Variants in CDS1 observed in about 807,000 individuals in gnomAD.
CDS1 encodes CDP-diacylglycerol synthase 1, also known as phosphatidate cytidylyltransferase 1.
Under a neutral mutation model 62.1 loss-of-function variants are expected in CDS1, and 41 were observed. The ratio of observed to expected loss-of-function variants is 0.66; its 90% CI spans 0.51 to 0.86. The LOEUF (loss-of-function observed/expected upper bound fraction) is 0.86, where lower values mean the gene tolerates loss of function less well. CDS1 is among the 40% of genes least tolerant of loss of function. The pLI is 0.00. For synonymous variants in CDS1, 185 were observed against 192.6 expected, an observed-to-expected ratio of 0.96 and a Z score of 0.32; for missense variants, 470 against 550.1, an observed-to-expected ratio of 0.85 and a Z score of 1.46.
At chr4:84,639,629 C>CA (rs1043261120) in intron 9 of CDS1, among the ~76,000 whole-genome samples, 1 of 151,928 alleles carries the variant, frequency 6.6e-6, no homozygotes, top group Admixed American at 6.6e-5. Context: ...GATAAATGTA[C>CA]AAAAAAGTAC....
intron 1 of CDS1, among the ~76,000 whole-genome samples, chr4:84,592,198 C>G (rs1170052327): frequency 8.4e-6 from 1 of 119,196 alleles, no homozygotes; most frequent in Non-Finnish European, 1.6e-5. Flanking sequence ...GAGTCTCACT[C>G]TGTCACCCAG....
At chr4:84,648,500 C>T in intron 12 of CDS1, 57 bp from the exon 13 acceptor site, 1 of 1,532,878 alleles carries the variant, frequency 6.5e-7, no homozygotes, top group African/African-American at 1.4e-5. Flanking sequence ...GAGGTATGTG[C>T]TTCACTTATC....
chr4:84,645,017 A>G (rs1158978803), intron 11 of CDS1, among the ~76,000 whole-genome samples: 1 of 152,264 alleles, frequency 6.6e-6, no homozygotes, highest in East Asian at 1.9e-4. Context: ...GGGTCAATTC[A>G]GAAATCATTC....
At chr4:84,634,641 G>T (rs1277110244) in intron 7 of CDS1, among the ~76,000 whole-genome samples, 1 of 151,926 alleles carries the variant, frequency 6.6e-6, no homozygotes, top group Non-Finnish European at 1.5e-5. Context: ...TTTACCAAGG[G>T]TGTGGTTGTG....
chr4:84,595,106 T>A (rs911839884), intron 1 of CDS1, among the ~76,000 whole-genome samples: 1 of 152,122 alleles, frequency 6.6e-6, no homozygotes, highest in African/African-American at 2.4e-5. Context: ...TGGCAAGCTG[T>A]CATATCAAAG....
intron 1 of CDS1, among the ~76,000 whole-genome samples, chr4:84,596,902 T>TCACACTGTGGGGAGC (rs1189735594): frequency 1.3e-5 from 2 of 152,016 alleles, no homozygotes; most frequent in Non-Finnish European, 2.9e-5. Flanking sequence ...CTAAGACTCT[T>TCACACTGTGGGGAGC]CACACTGTGG....
intron 1 of CDS1, among the ~76,000 whole-genome samples, chr4:84,598,249 G>A (rs913415349): frequency 2.0e-5 from 3 of 151,930 alleles, no homozygotes; most frequent in Non-Finnish European, 2.9e-5. Flanking sequence ...TTTTTAAAAG[G>A]CTGCCTCCTT....
chr4:84,612,708 T>C (rs1723362274), intron 3 of CDS1, among the ~76,000 whole-genome samples: 1 of 152,148 alleles, frequency 6.6e-6, no homozygotes, highest in Non-Finnish European at 1.5e-5. Flanking sequence ...ATTAAAGATC[T>C]GGCCAGGTGC....
At chr4:84,607,593 C>T (rs1723169229) in intron 2 of CDS1, among the ~76,000 whole-genome samples, 1 of 151,160 alleles carries the variant, frequency 6.6e-6, no homozygotes, top group Non-Finnish European at 1.5e-5. Flanking sequence ...GCTAATATTT[C>T]TGTTCTAAGA....
chr4:84,628,762 T>C (rs1386241451), intron 5 of CDS1, among the ~76,000 whole-genome samples: 1 of 152,188 alleles, frequency 6.6e-6, no homozygotes, highest in East Asian at 1.9e-4. Context: ...CTTGAACTCA[T>C]GGCCTCAAGC....
At chr4:84,589,532 C>T (rs888733216) in intron 1 of CDS1, among the ~76,000 whole-genome samples, 8 of 152,208 alleles carry the variant, frequency 5.3e-5, no homozygotes, top group African/African-American at 1.9e-4. Context: ...TGGGCTGATA[C>T]TCCCTAATTG....
chr4:84,630,976 A>T (rs1395498727), intron 5 of CDS1, among the ~76,000 whole-genome samples: 1 of 152,206 alleles, frequency 6.6e-6, no homozygotes, highest in Non-Finnish European at 1.5e-5. Flanking sequence ...TTATTTTAGT[A>T]TATGATTACT....
chr4:84,613,773 TA>T (rs1311680349), intron 3 of CDS1, among the ~76,000 whole-genome samples: 6 of 152,206 alleles, frequency 3.9e-5, no homozygotes, highest in Non-Finnish European at 1.5e-5. Flanking sequence ...TGTTTTGATT[TA>T]AAGGCAGATG....
intron 1 of CDS1, among the ~76,000 whole-genome samples, chr4:84,593,209 C>T (rs1186075578): frequency 4.0e-5 from 6 of 151,870 alleles, no homozygotes; most frequent in Admixed American, 3.9e-4. Context: ...TGTAGTAGTC[C>T]CATTTATAAT....
Position 84,631,800 on chromosome 4 carries a change from G to A in CDS1, c.581-19G>A. ...GTACCAAATTGTACAACGAGCACAT[G>A]TTTTTTGTTCTTGAACAGGTTTCTG... is the stretch of plus-strand genomic sequence containing the variant. On this transcript the variant is annotated intron_variant, in intron 5 of 12. Transcript: ENST00000295887. 1 of 1,607,452 alleles carries A rather than the reference G, an allele frequency of 6.2e-7. No individual in the cohort carries two copies. Among genetic ancestry groups the A allele is most frequent in the Non-Finnish European group, 8.5e-7 (1 of 1,174,564 alleles).
chr4:84,619,296 T>A, intron 4 of CDS1, 98 bp from the exon 5 acceptor site: 1 of 576,054 alleles, frequency 1.7e-6, no homozygotes, highest in Non-Finnish European at 2.8e-6. Flanking sequence ...GAACTTTGTT[T>A]TGATCTTTGT....
chr4:84,585,755 GA>G (rs1722394738), intron 1 of CDS1, among the ~76,000 whole-genome samples: 1 of 152,158 alleles, frequency 6.6e-6, no homozygotes, highest in South Asian at 2.1e-4. Flanking sequence ...CTGTACTCCA[GA>G]TAATTAGCAA....
intron 5 of CDS1, among the ~76,000 whole-genome samples, chr4:84,628,391 T>TTCG (rs1217851126): frequency 6.6e-6 from 1 of 152,228 alleles, no homozygotes; most frequent in Admixed American, 6.5e-5. Flanking sequence ...GTTTCTGGCA[T>TTCG]ATCGAAGGTG....
At chr4:84,646,694 A>C (rs1366045408) in intron 12 of CDS1, among the ~76,000 whole-genome samples, 1 of 152,152 alleles carries the variant, frequency 6.6e-6, no homozygotes. Context: ...GTGGTACAGC[A>C]TGTTATCTAT....
Sources: allele counts gnomAD v4.1 joint callset (sites outside exome capture counted in the v4.1 genomes callset), GRCh38; gene constraint gnomAD v4.1.1; transcripts MANE v1.5; gene names NCBI Gene and HGNC (gene_info 2026-07-23, HGNC 2026-07-21).